MARCHF1: variants seen among roughly 807,000 people sequenced by gnomAD.
MARCHF1 encodes the protein membrane associated ring-CH-type finger 1, also known as E3 ubiquitin-protein ligase MARCHF1.
A neutral mutation model predicts 54.2 loss-of-function variants in MARCHF1; 40 were observed. The ratio of observed to expected loss-of-function variants is 0.74; its 90% CI spans 0.57 to 0.96. The LOEUF (loss-of-function observed/expected upper bound fraction) is 0.96. Among genes scored for constraint, MARCHF1 ranks in the 40% least tolerant of loss-of-function variants. The probability of loss-of-function intolerance (pLI) is 0.00; values close to 1 mark genes in which losing one functional copy is unlikely to be tolerated. For synonymous variants in MARCHF1, 236 were observed against 236.3 expected (o/e 1.00, Z 0.01); for missense variants, 586 against 656.5 (o/e 0.89, Z 1.17).
chr4:164,236,910 C>G lies in MARCHF1; in HGVS notation c.-322-125248G>C, dbSNP rs963469367. Among the ~76,000 whole-genome samples the G allele has an allele frequency of 3.3e-5, 5 of 152,138 alleles. No individual in the cohort carries two copies. In the East Asian group the frequency reaches 9.6e-4, roughly 29 times the overall value. Reference sequence around the variant, plus strand: ...CTAACAATGCTTCCTCCAATTTGAGCCTTCTTCCACTTCTCTGGTCATTGT... The same window carrying G: ...CTAACAATGCTTCCTCCAATTTGAGGCTTCTTCCACTTCTCTGGTCATTGT... On this transcript the variant is annotated intron_variant, in intron 1 of 9. Coordinates refer to ENST00000514618, the MANE Select transcript of MARCHF1 (RefSeq NM_001394959.1).
At chr4:164,167,299 G>C (rs2321369) in intron 1 of MARCHF1, among the ~76,000 whole-genome samples, 86,226 of 151,622 alleles carry the variant, frequency 0.57, 27,614 homozygotes, top group Non-Finnish European at 0.75. Context: ...AAATGGAAGG[G>C]TATATTATAT....
At chr4:164,194,051 AC>A (rs1731189938) in intron 1 of MARCHF1, among the ~76,000 whole-genome samples, 1 of 152,178 alleles carries the variant, frequency 6.6e-6, no homozygotes, top group African/African-American at 2.4e-5. Flanking sequence ...GGTAATGTCA[AC>A]CAGAATCATC....
chr4:164,161,157 T>C (rs35548609), intron 1 of MARCHF1, among the ~76,000 whole-genome samples: 27,983 of 152,092 alleles, frequency 0.18, 3,173 homozygotes, highest in Non-Finnish European at 0.26. Context: ...GATTTCTCAT[T>C]AATGGCTTAG....
intron 3 of MARCHF1, among the ~76,000 whole-genome samples, chr4:163,929,446 C>A (rs7673013): frequency 1.3e-5 from 2 of 151,890 alleles, no homozygotes; most frequent in Admixed American, 1.3e-4. Context: ...TATATTTATC[C>A]TTTTCTGCTG....
At chr4:164,200,536 G>A (rs947754717) in intron 1 of MARCHF1, among the ~76,000 whole-genome samples, 4 of 152,042 alleles carry the variant, frequency 2.6e-5, no homozygotes, top group Non-Finnish European at 5.9e-5. Context: ...CCTTTACCAT[G>A]GCCTTCTGTC....
At chr4:164,241,810 C>T (rs1732765458) in intron 1 of MARCHF1, among the ~76,000 whole-genome samples, 1 of 152,200 alleles carries the variant, frequency 6.6e-6, no homozygotes, top group South Asian at 2.1e-4. Context: ...CATTGCCTCA[C>T]TTGGGAAGCA....
chr4:164,255,393 A>T (rs1733250299), intron 1 of MARCHF1, among the ~76,000 whole-genome samples: 1 of 116,386 alleles, frequency 8.6e-6, no homozygotes, highest in South Asian at 2.2e-4. Context: ...AGAAAGATAA[A>T]AAAAAAAAAA....
In MARCHF1 at chr4:163,659,816, T is replaced by A. The variant is rs200045260; in HGVS notation, c.162+40997A>T. Among the ~76,000 whole-genome samples, 4 of 152,086 alleles carry A rather than the reference T, an allele frequency of 2.6e-5. No individual in the cohort carries two copies. The East Asian group carries it at 5.8e-4, about 22-fold the overall frequency. ...ACGGAAAAAAGCTGACCATCACTGG[T>A]CATTTGAGAAATGCAAATCAAAAGC... On this transcript the variant is annotated intron_variant, in intron 5 of 9. Coordinates refer to ENST00000514618, the MANE Select transcript of MARCHF1 (RefSeq NM_001394959.1).
chr4:164,382,639 T>C (rs1381999645), intron 1 of MARCHF1, among the ~76,000 whole-genome samples: 2 of 152,184 alleles, frequency 1.3e-5, no homozygotes, highest in African/African-American at 2.4e-5. Context: ...TGTAAACACA[T>C]TGACATTAGA....
chr4:164,271,484 C>T (rs577002281), intron 1 of MARCHF1, among the ~76,000 whole-genome samples: 6 of 152,148 alleles, frequency 3.9e-5, no homozygotes, highest in Admixed American at 6.6e-5. Flanking sequence ...CTACCCTAGC[C>T]GCCAGAAAGA....
chr4:164,026,296 G>T (rs1753767290), intron 2 of MARCHF1, among the ~76,000 whole-genome samples: 1 of 151,962 alleles, frequency 6.6e-6, no homozygotes, highest in Non-Finnish European at 1.5e-5. Context: ...GAAAACTTCA[G>T]ATCAATCTCC....
At chr4:164,342,444 G>A (rs79374737) in intron 1 of MARCHF1, among the ~76,000 whole-genome samples, 15,627 of 151,642 alleles carry the variant, frequency 0.1, 1,381 homozygotes, top group East Asian at 0.29. Flanking sequence ...CCATTAACTC[G>A]TCATTACCAA....
chr4:164,143,933 A>G (rs938392849), intron 1 of MARCHF1, among the ~76,000 whole-genome samples: 2 of 152,192 alleles, frequency 1.3e-5, no homozygotes, highest in Non-Finnish European at 2.9e-5. Flanking sequence ...AACCCATCTC[A>G]CGTGCAGAGA....
chr4:164,106,076 A>C (rs2111169788), intron 2 of MARCHF1, among the ~76,000 whole-genome samples: 1 of 151,726 alleles, frequency 6.6e-6, no homozygotes, highest in East Asian at 1.9e-4. Context: ...ATACCATCTC[A>C]CACCAGTTAG....
chr4:163,651,538 T>TC (rs915455943), intron 5 of MARCHF1, among the ~76,000 whole-genome samples: 1 of 142,656 alleles, frequency 7.0e-6, no homozygotes, highest in Non-Finnish European at 1.5e-5. Flanking sequence ...TTTTTTTTTT[T>TC]TTTTTTACTG....
intron 1 of MARCHF1, among the ~76,000 whole-genome samples, chr4:164,264,618 G>A (rs1024963536): frequency 2.0e-5 from 3 of 151,996 alleles, no homozygotes; most frequent in Admixed American, 1.3e-4. Context: ...AGTCCACATT[G>A]AGATATGAGA....
At chr4:163,834,886 G>A (rs1344185678) in intron 4 of MARCHF1, among the ~76,000 whole-genome samples, 2 of 151,414 alleles carry the variant, frequency 1.3e-5, no homozygotes, top group Non-Finnish European at 2.9e-5. Flanking sequence ...TAATCTTCTT[G>A]TTTATTTTTT....
intron 7 of MARCHF1, among the ~76,000 whole-genome samples, chr4:163,589,182 A>T (rs978907533): frequency 5.9e-5 from 9 of 151,996 alleles, no homozygotes; most frequent in Non-Finnish European, 8.8e-5. Flanking sequence ...TGATTTTTTC[A>T]TTGACATTGA....
At chr4:163,941,935 T>A (rs1478375845) in intron 3 of MARCHF1, among the ~76,000 whole-genome samples, 1 of 152,152 alleles carries the variant, frequency 6.6e-6, no homozygotes, top group Non-Finnish European at 1.5e-5. Context: ...CTTCTTTCCA[T>A]ATTTTGTTTC....
Sources: allele counts gnomAD v4.1 joint callset (sites outside exome capture counted in the v4.1 genomes callset), GRCh38; gene constraint gnomAD v4.1.1; transcripts MANE v1.5; gene names NCBI Gene and HGNC (gene_info 2026-07-23, HGNC 2026-07-21).